The following DENND10 variants were observed in gnomAD, a reference collection of about 807,000 sequenced individuals.
DENND10 encodes the protein DENN domain containing 10.
Under a neutral mutation model 43.6 loss-of-function variants are expected in DENND10, and 24 were observed. The observed-to-expected ratio is 0.55, with a 90% CI of 0.40 to 0.77. DENND10 has a LOEUF of 0.77. Ranked by LOEUF, DENND10 falls within the 30% of genes least tolerant of loss-of-function variation. The pLI is 0.00. For synonymous variants in DENND10, 125 were observed against 157.6 expected, an observed-to-expected ratio of 0.79 and a Z score of 1.55; for missense variants, 303 against 429.9, an observed-to-expected ratio of 0.70 and a Z score of 2.61.
intron 5 of DENND10, 124 bp from the exon 6 acceptor site, chr10:119,123,345 T>G: frequency 1.5e-6 from 1 of 673,032 alleles, no homozygotes; most frequent in Non-Finnish European, 2.6e-6. Context: ...TGGTCTCACC[T>G]CTGTCCCTGA....
At chr10:119,131,042 T>G (rs184434732) in intron 7 of DENND10, among the ~76,000 whole-genome samples, 1 of 152,372 alleles carries the variant, frequency 6.6e-6, no homozygotes, top group East Asian at 1.9e-4. Flanking sequence ...TAAATGTGAC[T>G]CCAGTATGGA....
In DENND10 at chr10:119,123,670, C is replaced by T. The variant is rs564235509; in HGVS notation, c.694+101C>T. Reference sequence around the variant, plus strand: ...TGTTGCCCAGGATGGAGTGCAATGGCACGATCTTAGCTCACCGCAACGTCC... The same window carrying T: ...TGTTGCCCAGGATGGAGTGCAATGGTACGATCTTAGCTCACCGCAACGTCC... On this transcript the variant is annotated intron_variant, in intron 6 of 8. Coordinates refer to ENST00000361432, the MANE Select transcript of DENND10 (RefSeq NM_207009.4). The T allele has an allele frequency of 4.5e-3, 4,050 of 896,174 alleles. 13 individuals are homozygous for T. The highest frequency in any genetic ancestry group is 6.3e-3 in the Non-Finnish European group (3,568 of 569,530). The allele number at this position is 896,174 out of a possible 1,614,324, so 55.5% of individuals were successfully genotyped here.
chr10:119,134,059 T>A (rs1846199930), intron 8 of DENND10: 1 of 151,782 alleles, frequency 6.6e-6, no homozygotes, highest in African/African-American at 2.4e-5. Context: ...TTCCCTTTTT[T>A]GAGTTTCACT....
chr10:119,132,517 G>A lies in DENND10; in HGVS notation c.805G>A (p.Ala269Thr), dbSNP rs988252043. ...ATTCACCTTCTTGATCTCACCAGAGGCCATGGCAATGGGCAAACTGCACAA... is the reference window on the plus strand; with the variant it reads ...ATTCACCTTCTTGATCTCACCAGAGACCATGGCAATGGGCAAACTGCACAA... ...EITIAPLAKEAMAMGKLHKEM... is the reference protein window; with the variant it reads ...EITIAPLAKETMAMGKLHKEM... The change falls in exon 8 of 9, where the codon GCC (alanine) becomes ACC (threonine). Residue 269 changes from alanine to threonine, a missense_variant and splice_region_variant. By Grantham distance (58) the Ala-to-Thr change is moderately conservative. Transcript: ENST00000361432. The surrounding 1 kb of genome is among the most constrained non-coding windows in gnomAD (Gnocchi z 4.2). 12 of 1,611,744 alleles carry A rather than the reference G, an allele frequency of 7.4e-6. No individual in the cohort carries two copies. The highest frequency in any genetic ancestry group is 1.3e-5 in the African/African-American group (1 of 74,956).
In DENND10 at chr10:119,132,254, A is replaced by T. The variant is rs1324149893; in HGVS notation, c.803-261A>T. On this transcript the variant is annotated intron_variant, in intron 7 of 8. Transcript: ENST00000361432. The surrounding 1 kb of genome is among the most constrained non-coding windows in gnomAD (Gnocchi z 4.2). ...GCTTTGTCTGGGAAGAAAAATAAAA[A>T]TTTTGGTCAGGTGGGTGTGAAGGGG... 6.6e-6 allele frequency among the ~76,000 whole-genome samples: 1 copy of T among 152,150 alleles called. No individual in the cohort carries two copies. Among genetic ancestry groups the T allele is most frequent in the African/African-American group, 2.4e-5 (1 of 41,420 alleles).
At chr10:119,131,577 C>T (rs1846090695) in intron 7 of DENND10, among the ~76,000 whole-genome samples, 1 of 152,194 alleles carries the variant, frequency 6.6e-6, no homozygotes, top group Admixed American at 6.6e-5. Context: ...TACTGATTAA[C>T]AGCTTTGTTT....
At chr10:119,124,125 G>A (rs918024150) in intron 6 of DENND10, among the ~76,000 whole-genome samples, 3 of 150,942 alleles carry the variant, frequency 2.0e-5, no homozygotes, top group Admixed American at 6.6e-5. Context: ...CCTGGGAGGC[G>A]GAGGTTGCGG....
chr10:119,128,835 G>T (rs1001361277), intron 6 of DENND10, among the ~76,000 whole-genome samples: 2 of 151,930 alleles, frequency 1.3e-5, no homozygotes, highest in African/African-American at 4.8e-5. Context: ...CAGATTTTGT[G>T]AGAACTCAAT....
chr10:119,134,797 T>A (rs1846239363), intron 8 of DENND10: 1 of 152,200 alleles, frequency 6.6e-6, no homozygotes, highest in African/African-American at 2.4e-5. Flanking sequence ...TAGCAGCATT[T>A]CTCAAAAAGT....
chr10:119,128,177 G>A (rs1369402439), intron 6 of DENND10, among the ~76,000 whole-genome samples: 1 of 152,078 alleles, frequency 6.6e-6, no homozygotes, highest in Admixed American at 6.6e-5. Flanking sequence ...GCCAGGTGTG[G>A]TGGCATATGC....
intron 3 of DENND10, chr10:119,114,668 CCT>C (rs1845158672): frequency 6.6e-6 from 1 of 152,202 alleles, no homozygotes; most frequent in Admixed American, 6.6e-5. Context: ...GGGATTTCCC[CCT>C]CTGTTTTATC....
At chr10:119,122,116 G>A (rs1424732402) in intron 5 of DENND10, among the ~76,000 whole-genome samples, 1 of 152,026 alleles carries the variant, frequency 6.6e-6, no homozygotes, top group Non-Finnish European at 1.5e-5. Context: ...GGACCAGACT[G>A]GGCAACACAG....
At chr10:119,113,888 A>C (rs1845108771) in intron 3 of DENND10, among the ~76,000 whole-genome samples, 1 of 152,218 alleles carries the variant, frequency 6.6e-6, no homozygotes, top group African/African-American at 2.4e-5. Context: ...GCACTTACAC[A>C]AAGGGAGATT....
Position 119,112,717 on chromosome 10 carries a change from A to G in DENND10, c.332+789A>G, listed in dbSNP as rs558615659. ...ACCATGTTGCCCAGGCTGGTTTCAA[A>G]CTCCTGAGCTCAAGTGATCTGCTCA... On this transcript the variant is annotated intron_variant, in intron 3 of 8. Coordinates refer to ENST00000361432, the MANE Select transcript of DENND10 (RefSeq NM_207009.4). Among the ~76,000 whole-genome samples, 5 of 150,068 alleles carry G rather than the reference A, an allele frequency of 3.3e-5. No individual in the cohort carries two copies. The South Asian group carries it at 1.1e-3, about 32-fold the overall frequency.
rs984731458 is a variant in DENND10 at position 119,136,872 on chromosome 10, G to A, written c.*225G>A. 4 of 429,410 alleles carry A rather than the reference G, an allele frequency of 9.3e-6. No homozygotes were observed. In the Admixed American group the frequency reaches 1.3e-4, roughly 13 times the overall value. The allele number at this position is 429,410 out of a possible 1,614,324, so 26.6% of individuals were successfully genotyped here. On this transcript the variant is annotated 3_prime_UTR_variant, in exon 9 of 9. Transcript: ENST00000361432. Reference sequence around the variant, plus strand: ...CTGCCTGCTGTCAGTGCTGGACGAAGTGCTATAACTACTTTATGTAACATT... The same window carrying A: ...CTGCCTGCTGTCAGTGCTGGACGAAATGCTATAACTACTTTATGTAACATT...
rs536735479 is a variant in DENND10 at position 119,123,644 on chromosome 10, T to G, written c.694+75T>G. 36 of 1,166,920 alleles carry G rather than the reference T, an allele frequency of 3.1e-5. 2 individuals carry two copies. In the South Asian group the frequency reaches 4.6e-4, roughly 15 times the overall value. 72.3% of individuals were successfully genotyped at this position (1,166,920 alleles called of 1,614,324 possible). On this transcript the variant is annotated intron_variant, in intron 6 of 8. Coordinates refer to ENST00000361432, the MANE Select transcript of DENND10 (RefSeq NM_207009.4). The stretch of plus-strand genomic sequence containing the variant: ...TTTTTCCTGAGACGGATTTTCACTC[T>G]TGTTGCCCAGGATGGAGTGCAATGG...
At position 119,107,993 on chromosome 10, in the gene DENND10, G is replaced by A. The variant is rs763710802; in HGVS notation, c.81G>A (p.Leu27=). Residue 27 remains leucine, a synonymous_variant, in exon 2 of 9, where the codon CTG becomes CTA. Transcript: ENST00000361432. ...LIEKDTNGEV[L]WVWCYPSTTA... ...AAAAGGACACAAATGGAGAAGTTCT[G>A]TGGGTGTGGTGTTATCCTTCCACGA... is the stretch of plus-strand genomic sequence containing the variant. The A allele has an allele frequency of 5.6e-6, 9 of 1,613,948 alleles. No homozygotes were observed. The highest frequency in any genetic ancestry group is 5.9e-6 in the Non-Finnish European group (7 of 1,179,962).
intron 1 of DENND10, among the ~76,000 whole-genome samples, chr10:119,106,013 C>T (rs566198712): frequency 3.9e-5 from 6 of 152,268 alleles, no homozygotes; most frequent in Admixed American, 2.6e-4. Context: ...GCCAATATAG[C>T]GAGACCCTGT....
chr10:119,133,162 G>A (rs2133536052), intron 8 of DENND10: 1 of 156,458 alleles, frequency 6.4e-6, no homozygotes, highest in African/African-American at 2.4e-5. Context: ...TTGCCAAACT[G>A]GGATGGCAAA....
Sources: gnomAD v4.1 joint callset for allele counts (sites outside exome capture counted in the v4.1 genomes callset) on GRCh38, gnomAD v4.1.1 for gene constraint, Gnocchi (gnomAD v3.1) non-coding constraint, MANE v1.5 for transcripts, NCBI Gene and HGNC (gene_info 2026-07-23, HGNC 2026-07-21) for gene names.